ATP2B2: variants seen among roughly 807,000 people sequenced by gnomAD.
ATP2B2 encodes plasma membrane calcium-transporting ATPase 2.
A neutral mutation model predicts 120.0 loss-of-function variants in ATP2B2; 15 were observed. That is an observed-to-expected ratio of 0.12 (90% confidence interval 0.08 to 0.19). The LOEUF (loss-of-function observed/expected upper bound fraction) is 0.19, where lower values mean the gene tolerates loss of function less well. Ranked by LOEUF, ATP2B2 falls within the 10% of genes least tolerant of loss-of-function variation. ATP2B2 has a pLI of 1.00. For missense variants in ATP2B2, 1,045 were observed against 1,719.8 expected, an observed-to-expected ratio of 0.61 and a Z score of 6.94; for synonymous variants, 694 against 700.3, an observed-to-expected ratio of 0.99 and a Z score of 0.14.
At chr3:10,373,114 C>T (rs372728791) in intron 11 of ATP2B2, among the ~76,000 whole-genome samples, 39 of 152,314 alleles carry the variant, frequency 2.6e-4, no homozygotes, top group Admixed American at 7.2e-4. Flanking sequence ...TAATAATAAA[C>T]GCACGTTGAA....
intron 1 of ATP2B2, among the ~76,000 whole-genome samples, chr3:10,641,498 C>A (rs904778447): frequency 6.6e-6 from 1 of 152,236 alleles, no homozygotes; most frequent in East Asian, 1.9e-4. Context: ...AAATTCAACT[C>A]TCTGATTTTT....
At chr3:10,470,169 TGAAATA>T (rs1274269746) in intron 1 of ATP2B2, among the ~76,000 whole-genome samples, 1 of 151,968 alleles carries the variant, frequency 6.6e-6, no homozygotes, top group Non-Finnish European at 1.5e-5. Context: ...ACGAGGAGGT[TGAAATA>T]GAAATAGCAG....
At chr3:10,696,183 G>A (rs981350665) in intron 1 of ATP2B2, among the ~76,000 whole-genome samples, 4 of 152,174 alleles carry the variant, frequency 2.6e-5, no homozygotes, top group Non-Finnish European at 5.9e-5. Flanking sequence ...ACTGTCCAGG[G>A]TCAGCCTCCC....
At position 10,358,878 on chromosome 3, in the gene ATP2B2, G is replaced by A. The variant is rs1287918907; in HGVS notation, c.1949C>T (p.Pro650Leu). The change falls in exon 14 of 23, where the codon CCC becomes CTC. Residue 650 changes from proline (P) to leucine (L), a missense_variant. By Grantham distance (98) the Pro-to-Leu change is moderately conservative. Transcript: ENST00000360273. ...CTTTACCATCTCGTCCCGGTCGCGG[G>A]GCCGGAAGACACGAGGCTCTCCCGC... Reference protein sequence around the residue: ...NGAGEPRVFRPRDRDEMVKKV... With the variant: ...NGAGEPRVFRLRDRDEMVKKV... 1 of 1,614,120 alleles carries A rather than the reference G, an allele frequency of 6.2e-7. No individual in the cohort carries two copies. The highest frequency in any genetic ancestry group is 8.5e-7 in the Non-Finnish European group (1 of 1,180,040).
intron 3 of ATP2B2, chr3:10,533,966 T>C (rs1397573119): frequency 6.6e-6 from 1 of 152,320 alleles, no homozygotes; most frequent in Non-Finnish European, 1.5e-5. Flanking sequence ...TGACCCTCCA[T>C]TGGCAACCCC....
At chr3:10,526,117 T>C (rs1489036859) in intron 3 of ATP2B2, among the ~76,000 whole-genome samples, 1 of 152,226 alleles carries the variant, frequency 6.6e-6, no homozygotes, top group Non-Finnish European at 1.5e-5. Context: ...GTGTAATATT[T>C]GTATTATTAA....
chr3:10,342,399 G>GTGA lies in ATP2B2; in HGVS notation c.2917+352_2917+353insTCA, dbSNP rs2125377458. Among the ~76,000 whole-genome samples, 1 of 152,312 alleles carries GTGA rather than the reference G, an allele frequency of 6.6e-6. No homozygotes were observed. The highest frequency in any genetic ancestry group is 1.5e-5 in the Non-Finnish European group (1 of 68,028). ...GGGGCCAGGATAAGGTGCTGGAATG[G>GTGA]GTCAGAGAAGGGGTGAGTCACTCCC... is the stretch of plus-strand genomic sequence containing the variant. On this transcript the variant is annotated intron_variant, in intron 19 of 22. Coordinates refer to ENST00000360273, the MANE Select transcript of ATP2B2 (RefSeq NM_001001331.4). This position sits in a 1 kb window ranked among gnomAD's most constrained non-coding sequence, Gnocchi z 4.4.
chr3:10,450,451 C>A (rs927886252), intron 1 of ATP2B2, among the ~76,000 whole-genome samples: 3 of 152,172 alleles, frequency 2.0e-5, no homozygotes, highest in Admixed American at 2.0e-4. Context: ...ACCCATGCCA[C>A]CTGTGTCCAC....
intron 1 of ATP2B2, among the ~76,000 whole-genome samples, chr3:10,683,756 G>GTGTGTGTA (rs1171329562): frequency 8.8e-4 from 26 of 29,700 alleles, no homozygotes; most frequent in African/African-American, 3.4e-3. Context: ...ATATGTGTGT[G>GTGTGTGTA]TGTGTATATA....
intron 1 of ATP2B2, among the ~76,000 whole-genome samples, chr3:10,663,723 G>T (rs1011474440): frequency 6.6e-6 from 1 of 152,084 alleles, no homozygotes; most frequent in African/African-American, 2.4e-5. Context: ...GCATAGAGGG[G>T]GTCCAAGCTG....
intron 2 of ATP2B2, among the ~76,000 whole-genome samples, chr3:10,449,060 C>T (rs902590039): frequency 2.6e-5 from 4 of 152,206 alleles, no homozygotes; most frequent in Non-Finnish European, 4.4e-5. Context: ...CGCCACTCTG[C>T]GGCTGTGGGG....
intron 1 of ATP2B2, among the ~76,000 whole-genome samples, chr3:10,633,068 G>A (rs938332682): frequency 1.3e-5 from 2 of 152,246 alleles, no homozygotes; most frequent in Non-Finnish European, 2.9e-5. Context: ...AGATGCAGGG[G>A]CTGGCTGGGA....
chr3:10,540,976 T>G (rs1301495896), intron 2 of ATP2B2, among the ~76,000 whole-genome samples: 1 of 152,086 alleles, frequency 6.6e-6, no homozygotes, highest in Non-Finnish European at 1.5e-5. Context: ...CTGTTTCATA[T>G]TGGGTGAATT....
intron 1 of ATP2B2, chr3:10,625,982 A>G (rs2069687743): frequency 1.3e-5 from 2 of 152,166 alleles, no homozygotes; most frequent in South Asian, 4.1e-4. Context: ...GACAGCTGTT[A>G]CCATTTTTTT....
intron 22 of ATP2B2, chr3:10,332,052 A>G: frequency 6.5e-7 from 1 of 1,549,602 alleles, no homozygotes; most frequent in Non-Finnish European, 8.7e-7. Flanking sequence ...GGAAACAAAC[A>G]CATGGAATAT....
intron 1 of ATP2B2, among the ~76,000 whole-genome samples, chr3:10,498,922 A>G (rs2066268488): frequency 6.6e-6 from 1 of 152,124 alleles, no homozygotes; most frequent in Non-Finnish European, 1.5e-5. Context: ...GAAGCTCAAC[A>G]TATTTCGAAT....
intron 1 of ATP2B2, among the ~76,000 whole-genome samples, chr3:10,473,535 G>A (rs1173695164): frequency 6.6e-6 from 1 of 152,228 alleles, no homozygotes; most frequent in Non-Finnish European, 1.5e-5. Flanking sequence ...AGGAGGCTGA[G>A]GCACGAGAAT....
At chr3:10,410,522 G>A in intron 3 of ATP2B2, 96 bp downstream of exon 3, 1 of 1,427,062 alleles carries the variant, frequency 7.0e-7, no homozygotes, top group Non-Finnish European at 9.5e-7. Flanking sequence ...CTTCCCCTGG[G>A]AGGAGAGGAT....
At chr3:10,620,657 C>T (rs1244373240) in intron 1 of ATP2B2, among the ~76,000 whole-genome samples, 1 of 152,132 alleles carries the variant, frequency 6.6e-6, no homozygotes, top group Non-Finnish European at 1.5e-5. Flanking sequence ...GGAGCTGTCA[C>T]CTGTGATCAA....
Sources: allele counts gnomAD v4.1 joint callset (sites outside exome capture counted in the v4.1 genomes callset), GRCh38; gene constraint gnomAD v4.1.1; non-coding constraint Gnocchi (gnomAD v3.1); transcripts MANE v1.5; gene names NCBI Gene and HGNC (gene_info 2026-07-23, HGNC 2026-07-21).